ASB2: variants seen among roughly 807,000 people sequenced by gnomAD.
The protein encoded by ASB2 is ankyrin repeat and SOCS box protein 2.
Under a neutral mutation model 62.4 loss-of-function variants are expected in ASB2, and 58 were observed. The ratio of observed to expected loss-of-function variants is 0.93; its 90% CI spans 0.75 to 1.16. The LOEUF (loss-of-function observed/expected upper bound fraction) is 1.16, where lower values mean the gene tolerates loss of function less well. ASB2 is among the 50% of genes most tolerant of loss of function. The probability of loss-of-function intolerance (pLI) is 0.00; values close to 1 mark genes in which losing one functional copy is unlikely to be tolerated. For missense variants in ASB2, 928 were observed against 887.9 expected, an observed-to-expected ratio of 1.05 and a Z score of -0.57; for synonymous variants, 386 against 385.3, an observed-to-expected ratio of 1.00 and a Z score of -0.02.
intron 7 of ASB2, among the ~76,000 whole-genome samples, chr14:93,941,032 A>G (rs1196923836): frequency 6.6e-6 from 1 of 152,082 alleles, no homozygotes; most frequent in Non-Finnish European, 1.5e-5. Context: ...TTGCCTGCCC[A>G]TTTTACCTTC....
At position 93,956,835 on chromosome 14, in the gene ASB2, G is replaced by T; in HGVS notation, c.242C>A (p.Ala81Asp). The T allele has an allele frequency of 6.2e-7, 1 of 1,614,220 alleles. No individual in the cohort carries two copies. The highest frequency in any genetic ancestry group is 8.5e-7 in the Non-Finnish European group (1 of 1,180,022). The change falls in exon 3 of 10, where the codon GCC becomes GAC. Residue 81 changes from alanine (A) to aspartate (D), a missense_variant. Transcript: ENST00000555019. ...GACCCCTTGGAACAAGCCCATTGGG[G>T]CCCGGGCCGGCGAACTCTCAGGAGG... ...TAPPESSPAR[A>D]PMGLFQGVMQ...
intron 7 of ASB2, 35 bp from the exon 8 acceptor site, chr14:93,939,707 G>A (rs1888443066): frequency 1.2e-5 from 16 of 1,387,250 alleles, no homozygotes; most frequent in Non-Finnish European, 1.5e-5. Context: ...GGTGAGGGGA[G>A]GGTCGGGGTG....
intron 2 of ASB2, among the ~76,000 whole-genome samples, chr14:93,957,723 T>C (rs1889276578): frequency 6.6e-6 from 1 of 152,090 alleles, no homozygotes; most frequent in Non-Finnish European, 1.5e-5. Flanking sequence ...GCCTCAGTTT[T>C]CCCGACCCAC....
chr14:93,938,795 CACT>C (rs1888377535), intron 8 of ASB2, among the ~76,000 whole-genome samples: 1 of 152,218 alleles, frequency 6.6e-6, no homozygotes, highest in Non-Finnish European at 1.5e-5. Flanking sequence ...TCCAATGCAC[CACT>C]AAGTTCTGCG....
At chr14:93,961,174 G>A (rs1055912466) in intron 2 of ASB2, among the ~76,000 whole-genome samples, 1 of 152,118 alleles carries the variant, frequency 6.6e-6, no homozygotes, top group South Asian at 2.1e-4. Flanking sequence ...AGGCTCCAAC[G>A]CCCACCTCAT....
In ASB2 at chr14:93,939,338, G is replaced by A. The variant is rs754657090; in HGVS notation, c.1387C>T (p.His463Tyr). 1.2e-6 allele frequency: 2 copies of A among 1,611,304 alleles called. No homozygotes were observed. Among genetic ancestry groups the A allele is most frequent in the Non-Finnish European group, 8.5e-7 (1 of 1,178,510 alleles). Residue 463 changes from histidine to tyrosine, a missense_variant, in exon 8 of 10, where the codon CAC (histidine) becomes TAC (tyrosine). Coordinates refer to ENST00000555019, the MANE Select transcript of ASB2 (RefSeq NM_001202429.2). Reference sequence around the variant, plus strand: ...ATATAGGCGTCGATGTTCGCGCCGTGGTCCAGCAGCAGCTGCATTGTGCGC... The same window carrying A: ...ATATAGGCGTCGATGTTCGCGCCGTAGTCCAGCAGCAGCTGCATTGTGCGC... ...CLRTMQLLLDHGANIDAYIAT... is the reference protein window; with the variant it reads ...CLRTMQLLLDYGANIDAYIAT...
At chr14:93,954,744 G>A (rs891257829) in intron 3 of ASB2, among the ~76,000 whole-genome samples, 2 of 152,196 alleles carry the variant, frequency 1.3e-5, no homozygotes, top group African/African-American at 4.8e-5. Context: ...CAGCCTCCTA[G>A]AGGGTGGCTA....
At chr14:93,945,640 T>A (rs1312092214) in intron 7 of ASB2, among the ~76,000 whole-genome samples, 1 of 152,204 alleles carries the variant, frequency 6.6e-6, no homozygotes, top group East Asian at 1.9e-4. Context: ...GTCAGCCTTG[T>A]GGACAGCTGT....
rs933245512 is a variant in ASB2 at position 93,952,040 on chromosome 14, G to A, written c.635-796C>T. Among the ~76,000 whole-genome samples the A allele has an allele frequency of 1.2e-4, 19 of 152,296 alleles. 1 individual carries two copies. The highest frequency in any genetic ancestry group is 3.4e-3 in the Middle Eastern group (1 of 294). ...CAGCCCTGGAAGCTTCTCTGTGTCCGTGTCAGTGGGAGGAGGAGTGAGGAA... is the reference window on the plus strand; with the variant it reads ...CAGCCCTGGAAGCTTCTCTGTGTCCATGTCAGTGGGAGGAGGAGTGAGGAA... On this transcript the variant is annotated intron_variant, in intron 5 of 9. Coordinates refer to ENST00000555019, the MANE Select transcript of ASB2 (RefSeq NM_001202429.2).
intron 1 of ASB2, among the ~76,000 whole-genome samples, chr14:93,975,703 A>G (rs1889892102): frequency 2.0e-5 from 3 of 152,160 alleles, no homozygotes; most frequent in African/African-American, 7.2e-5. Flanking sequence ...TTCACTTTCC[A>G]TCATCACCCC....
intron 1 of ASB2, among the ~76,000 whole-genome samples, chr14:93,965,744 C>T (rs1171758043): frequency 1.3e-5 from 2 of 152,238 alleles, no homozygotes; most frequent in Non-Finnish European, 2.9e-5. Context: ...GCAGATCTTT[C>T]CCCACCCTTC....
rs78500603 is a variant in ASB2, at chr14:93,970,457, C to G, written c.-73-5845G>C. Among the ~76,000 whole-genome samples the G allele has an allele frequency of 2.0e-4, 30 of 152,274 alleles. No homozygotes were observed. The East Asian group carries it at 3.3e-3, about 17-fold the overall frequency. On this transcript the variant is annotated intron_variant, in intron 1 of 9. Coordinates refer to ENST00000555019, the MANE Select transcript of ASB2 (RefSeq NM_001202429.2). ...GAAGCCTCCCTGATGGCTGAGAGTC[C>G]TCTGCTGCCTCCAAGGGCCCCCTTC... is the stretch of plus-strand genomic sequence containing the variant.
intron 3 of ASB2, 26 bp from the exon 4 acceptor site, chr14:93,954,509 C>G: frequency 6.2e-7 from 1 of 1,612,852 alleles, no homozygotes; most frequent in Non-Finnish European, 8.5e-7. Flanking sequence ...GTGGGTCAGT[C>G]CTCAAGGTCA....
chr14:93,964,211 G>C, intron 2 of ASB2, 123 bp downstream of exon 2: 2 of 828,222 alleles, frequency 2.4e-6, no homozygotes, highest in Non-Finnish European at 2.0e-6. Context: ...ATGTAAATGG[G>C]AAAGGTGTGA....
rs1196462888 is a variant in ASB2 at position 93,964,396 on chromosome 14, A to C, written c.144T>G (p.Thr48=). The C allele has an allele frequency of 1.3e-6, 2 of 1,536,116 alleles. No individual in the cohort carries two copies. The highest frequency in any genetic ancestry group is 3.9e-5 in the Admixed American group (2 of 51,000). Reference sequence around the variant, plus strand: ...TACATGCAGACGCGGTGGCCTCAGCAGTGGTTGGGCCCCTTGTCTTGTCCG... The same window carrying C: ...TACATGCAGACGCGGTGGCCTCAGCCGTGGTTGGGCCCCTTGTCTTGTCCG... ...SLADKTRGPT[T]AEATASACTN... The change falls in exon 2 of 10, where the codon ACT becomes ACG. Residue 48 remains threonine (T), a synonymous_variant. Transcript: ENST00000555019.
In ASB2 at chr14:93,955,480, C is replaced by T. The variant is rs184285997; in HGVS notation, c.312-997G>A. ...CCGTCACTGCCACCTTGACGAGTTC[C>T]ACTTAGGAACAGCCAGAGCAGCCCC... On this transcript the variant is annotated intron_variant, in intron 3 of 9. Coordinates refer to ENST00000555019, the MANE Select transcript of ASB2 (RefSeq NM_001202429.2). 102 of 203,258 alleles carry T rather than the reference C, an allele frequency of 5.0e-4. No individual in the cohort carries two copies. The East Asian group carries it at 8.9e-3, about 18-fold the overall frequency. The allele number at this position is 203,258 out of a possible 1,614,324, so 12.6% of individuals were successfully genotyped here.
intron 7 of ASB2, among the ~76,000 whole-genome samples, chr14:93,942,847 TAGTG>T (rs1453974333): frequency 2.9e-5 from 4 of 139,838 alleles, no homozygotes; most frequent in Non-Finnish European, 4.6e-5. Flanking sequence ...ATTGTAATAA[TAGTG>T]ATGATGATGA....
chr14:93,943,275 C>T (rs953769264), intron 7 of ASB2, among the ~76,000 whole-genome samples: 5 of 152,216 alleles, frequency 3.3e-5, no homozygotes, highest in African/African-American at 1.2e-4. Context: ...AGCCTACTGC[C>T]CCTGCTACCC....
At chr14:93,971,270 G>T (rs1889749273) in intron 1 of ASB2, among the ~76,000 whole-genome samples, 1 of 152,202 alleles carries the variant, frequency 6.6e-6, no homozygotes, top group Non-Finnish European at 1.5e-5. Context: ...CTGGAGCTTG[G>T]GGAGGAAGGG....
Sources: allele counts gnomAD v4.1 joint callset (sites outside exome capture counted in the v4.1 genomes callset), GRCh38; gene constraint gnomAD v4.1.1; transcripts MANE v1.5; gene names NCBI Gene and HGNC (gene_info 2026-07-23, HGNC 2026-07-21).